CRB1: variants seen among roughly 807,000 people sequenced by gnomAD.
CRB1 encodes protein crumbs homolog 1.
CRB1 carries 83 observed loss-of-function variants against 120.0 expected under a neutral mutation model. The ratio of observed to expected loss-of-function variants is 0.69; its 90% CI spans 0.58 to 0.83. CRB1 has a LOEUF of 0.83. CRB1 is among the 40% of genes least tolerant of loss of function. The pLI is 0.00. For synonymous variants in CRB1, 625 were observed against 612.5 expected, an observed-to-expected ratio of 1.02 and a Z score of -0.30; for missense variants, 1,699 against 1,687.6, an observed-to-expected ratio of 1.01 and a Z score of -0.12.
At chr1:197,311,698 A>AGT (rs57455433) in intron 1 of CRB1, among the ~76,000 whole-genome samples, 14,279 of 138,848 alleles carry the variant, frequency 0.1, 729 homozygotes, top group Non-Finnish European at 0.12. Flanking sequence ...TCATATAGTT[A>AGT]GTGTGTGTGT....
At chr1:197,217,792 A>G in the CRB1 span, among the ~76,000 whole-genome samples, 11 of 152,340 alleles carry the variant, frequency 7.2e-5, no homozygotes, top group East Asian at 1.2e-3. Context: ...AATTGCACGT[A>G]TTAAAATGGT....
chr1:197,364,073 G>T, intron 5 of CRB1: 3 of 1,298,856 alleles, frequency 2.3e-6, no homozygotes, highest in Non-Finnish European at 1.1e-6. Flanking sequence ...CCGTGGCGGG[G>T]CTGCTGAGGC....
the CRB1 span, among the ~76,000 whole-genome samples, chr1:197,245,119 G>C: frequency 6.6e-6 from 1 of 151,806 alleles, no homozygotes; most frequent in East Asian, 1.9e-4. Context: ...GTGCAGGCTT[G>C]TTACGTATGT....
chr1:197,433,786 G>A lies in CRB1; in HGVS notation c.2843-920G>A, dbSNP rs1460500079. ...TATGTTTAAAAGGTGAAAAGCAGTA[G>A]GACCCAGTTTATAACTGGTAGAGTT... On this transcript the variant is annotated intron_variant, in intron 8 of 11. Coordinates refer to ENST00000367400, the MANE Select transcript of CRB1 (RefSeq NM_201253.3). 1.4e-4 allele frequency among the ~76,000 whole-genome samples: 21 copies of A among 152,280 alleles called. No homozygotes were observed. The East Asian group carries it at 3.9e-3, about 28-fold the overall frequency.
intron 5 of CRB1, among the ~76,000 whole-genome samples, chr1:197,410,995 G>A (rs1415516804): frequency 1.3e-5 from 2 of 152,156 alleles, no homozygotes; most frequent in Non-Finnish European, 2.9e-5. Context: ...AGTTTTCACA[G>A]TTAGAAACAA....
intron 5 of CRB1, among the ~76,000 whole-genome samples, chr1:197,373,731 A>G (rs1241647297): frequency 1.3e-5 from 2 of 152,200 alleles, no homozygotes; most frequent in Non-Finnish European, 1.5e-5. Flanking sequence ...AGTCTATTCC[A>G]TATCTCAATG....
In CRB1 at chr1:197,445,734, A is replaced by G. The variant is rs553813193; in HGVS notation, c.4005+3442A>G. On this transcript the variant is annotated intron_variant, in intron 11 of 11. Transcript: ENST00000367400. ...TGAAGAAATCTGTTTCTCAACTGCC[A>G]GTATTATTACTAATATAAACTATTT... Among the ~76,000 whole-genome samples the G allele has an allele frequency of 9.2e-4, 140 of 152,352 alleles. 2 individuals carry two copies. Among genetic ancestry groups the G allele is most frequent in the African/African-American group, 3.2e-3 (133 of 41,576 alleles).
chr1:197,295,954 T>A (rs540926680), intron 1 of CRB1, among the ~76,000 whole-genome samples: 1 of 143,188 alleles, frequency 7.0e-6, no homozygotes, highest in African/African-American at 2.6e-5. Flanking sequence ...AAAGATAGCA[T>A]CTTAACTCTT....
chr1:197,437,706 A>G (rs1039818734), intron 9 of CRB1, among the ~76,000 whole-genome samples: 3 of 152,162 alleles, frequency 2.0e-5, no homozygotes, highest in Non-Finnish European at 4.4e-5. Context: ...TTAGCATCAT[A>G]TAAGCTAGTC....
At chr1:197,418,019 G>C (rs2125462343) in intron 5 of CRB1, among the ~76,000 whole-genome samples, 1 of 151,946 alleles carries the variant, frequency 6.6e-6, no homozygotes, top group Admixed American at 6.6e-5. Flanking sequence ...CTAATAGTGA[G>C]CCGAAAAGTC....
At chr1:197,431,711 A>G (rs774037544) in intron 8 of CRB1, among the ~76,000 whole-genome samples, 7 of 152,226 alleles carry the variant, frequency 4.6e-5, no homozygotes, top group Non-Finnish European at 1.0e-4. Flanking sequence ...CTGCTACAAC[A>G]TTGCCAATAG....
intron 3 of CRB1, among the ~76,000 whole-genome samples, chr1:197,345,602 G>A (rs745860087): frequency 1.9e-4 from 28 of 145,028 alleles, no homozygotes; most frequent in African/African-American, 3.6e-4. Context: ...TCCGCCTTCC[G>A]GTTCAAGCAA....
the CRB1 span, among the ~76,000 whole-genome samples, chr1:197,250,071 A>G: frequency 3.9e-5 from 6 of 152,088 alleles, no homozygotes; most frequent in Non-Finnish European, 5.9e-5. Flanking sequence ...CAAATATATT[A>G]ATATTTTTTC....
intron 5 of CRB1, chr1:197,413,823 C>A: frequency 2.3e-6 from 1 of 433,420 alleles, no homozygotes; most frequent in South Asian, 1.7e-5. Context: ...CCCATACTCT[C>A]TACCTGCGAG....
the CRB1 span, chr1:197,222,157 A>T: frequency 7.6e-6 from 3 of 393,874 alleles, no homozygotes; most frequent in Non-Finnish European, 1.4e-5. Context: ...GTCACACCGC[A>T]GTGCTTGCCT....
chr1:197,359,442 C>T (rs182592360), intron 5 of CRB1, among the ~76,000 whole-genome samples: 15 of 151,022 alleles, frequency 9.9e-5, no homozygotes, highest in Non-Finnish European at 1.6e-4. Context: ...AAGTAAAATT[C>T]GATGGTATGT....
At chr1:197,256,378 T>A in the CRB1 span, among the ~76,000 whole-genome samples, 1 of 151,982 alleles carries the variant, frequency 6.6e-6, no homozygotes. Context: ...ATAACTCCTC[T>A]TACCCACTAA....
chr1:197,435,144 A>G lies in CRB1; in HGVS notation c.3281A>G (p.Gln1094Arg). The G allele has an allele frequency of 1.9e-6, 3 of 1,613,912 alleles. No homozygotes were observed. The highest frequency in any genetic ancestry group is 2.5e-6 in the Non-Finnish European group (3 of 1,179,856). The stretch of plus-strand genomic sequence containing the variant: ...GCTATTGACAATATAAAGGGCCTGC[A>G]AGGGTGTCTAAGTACAATAGAAATC... ...DRAIDNIKGL[Q>R]GCLSTIEIGG... Residue 1094 changes from glutamine to arginine, a missense_variant, in exon 9 of 12, where the codon CAA (glutamine) becomes CGA (arginine). By Grantham distance (43) the Gln-to-Arg change is conservative. Transcript: ENST00000367400.
the CRB1 span, among the ~76,000 whole-genome samples, chr1:197,210,331 T>G: frequency 6.6e-6 from 1 of 152,174 alleles, no homozygotes; most frequent in Non-Finnish European, 1.5e-5. Flanking sequence ...TAAAGAAAAT[T>G]ACCCTCCATA....
Sources: gnomAD v4.1 joint callset for allele counts (sites outside exome capture counted in the v4.1 genomes callset) on GRCh38, gnomAD v4.1.1 for gene constraint, MANE v1.5 for transcripts, NCBI Gene and HGNC (gene_info 2026-07-23, HGNC 2026-07-21) for gene names.